The following CCDC60 variants were observed in gnomAD, a reference collection of about 807,000 sequenced individuals.
The protein encoded by CCDC60 is coiled-coil domain containing 60, also known as coiled-coil domain-containing protein 60.
CCDC60 carries 54 observed loss-of-function variants against 63.5 expected under a neutral mutation model. The ratio of observed to expected loss-of-function variants is 0.85; its 90% CI spans 0.68 to 1.07. The LOEUF (loss-of-function observed/expected upper bound fraction) is 1.07. Among genes scored for constraint, CCDC60 ranks in the 50% least tolerant of loss-of-function variants. CCDC60 has a pLI of 0.00. For synonymous variants in CCDC60, 206 were observed against 238.8 expected (o/e 0.86, Z 1.27); for missense variants, 651 against 684.3 (o/e 0.95, Z 0.54).
intron 2 of CCDC60, among the ~76,000 whole-genome samples, chr12:119,469,628 G>A (rs563564913): frequency 5.6e-4 from 85 of 152,312 alleles, no homozygotes; most frequent in Non-Finnish European, 1.2e-3. Context: ...CTGGTCCAGT[G>A]ATTTATTGCC....
intron 1 of CCDC60, among the ~76,000 whole-genome samples, chr12:119,395,930 A>G (rs952558704): frequency 6.7e-6 from 1 of 149,188 alleles, no homozygotes; most frequent in Non-Finnish European, 1.5e-5. Flanking sequence ...CTCCTCCATC[A>G]TGCATCCTTT....
intron 1 of CCDC60, among the ~76,000 whole-genome samples, chr12:119,395,946 C>CT (rs71072516): frequency 0.14 from 20,991 of 149,204 alleles, 2,095 homozygotes; most frequent in East Asian, 0.56. Flanking sequence ...CCTTTTCTTT[C>CT]TTTTTTTTTT....
chr12:119,336,927 C>T (rs1446247653), intron 1 of CCDC60, among the ~76,000 whole-genome samples: 1 of 152,160 alleles, frequency 6.6e-6, no homozygotes, highest in Non-Finnish European at 1.5e-5. Flanking sequence ...ATCCTCAAAC[C>T]CCACTTTGCA....
At chr12:119,399,182 G>A (rs1156841114) in intron 1 of CCDC60, among the ~76,000 whole-genome samples, 3 of 152,194 alleles carry the variant, frequency 2.0e-5, no homozygotes, top group Admixed American at 6.5e-5. Flanking sequence ...TAAGGAAGAA[G>A]TCTTTGTGTC....
chr12:119,483,738 C>G (rs1261694718), intron 4 of CCDC60, among the ~76,000 whole-genome samples: 1 of 152,222 alleles, frequency 6.6e-6, no homozygotes, highest in Non-Finnish European at 1.5e-5. Flanking sequence ...ACTGCTGGCA[C>G]TCGCCCGGAG....
chr12:119,374,680 G>C (rs1213392441), intron 1 of CCDC60, among the ~76,000 whole-genome samples: 1 of 142,960 alleles, frequency 7.0e-6, no homozygotes, highest in Admixed American at 6.9e-5. Context: ...TCCATAGGCA[G>C]AGCAGTGGCA....
chr12:119,406,204 T>TAG (rs34447665), intron 1 of CCDC60, among the ~76,000 whole-genome samples: 382 of 145,192 alleles, frequency 2.6e-3, no homozygotes, highest in African/African-American at 8.8e-3. Flanking sequence ...TATATATATA[T>TAG]AGAGAGAGAG....
At position 119,540,655 on chromosome 12, in the gene CCDC60, C is replaced by T; in HGVS notation, c.1593C>T (p.Tyr531=). The change falls in exon 14 of 14, where the codon TAC becomes TAT. Residue 531 remains tyrosine (Y), a synonymous_variant. Transcript: ENST00000327554. ...TCATCCATATGCCTCAAGAGGATTA[C>T]ATCAGCTGGCTGCAGAGCCGGATCA... The part of the protein sequence containing the change: ...EHIIHMPQED[Y]ISWLQSRINI... The T allele has an allele frequency of 1.2e-6, 2 of 1,614,066 alleles. No homozygotes were observed. Among genetic ancestry groups the T allele is most frequent in the Non-Finnish European group, 1.7e-6 (2 of 1,180,002 alleles).
At chr12:119,342,845 T>C (rs1955546180) in intron 1 of CCDC60, among the ~76,000 whole-genome samples, 1 of 152,212 alleles carries the variant, frequency 6.6e-6, no homozygotes, top group Non-Finnish European at 1.5e-5. Context: ...CCATCTTTAT[T>C]CCTGTGACCC....
At chr12:119,428,834 C>A (rs750354464) in intron 2 of CCDC60, 72 bp downstream of exon 2, 3 of 970,594 alleles carry the variant, frequency 3.1e-6, no homozygotes, top group African/African-American at 3.2e-5. Context: ...GTGTTGCCTA[C>A]AAGTCCTTGC....
intron 1 of CCDC60, among the ~76,000 whole-genome samples, chr12:119,373,786 C>T (rs1464007584): frequency 6.6e-6 from 1 of 152,180 alleles, no homozygotes; most frequent in Middle Eastern, 3.4e-3. Flanking sequence ...CCAGATGTTT[C>T]TAAAATACAC....
chr12:119,421,558 C>A (rs2136219977), intron 1 of CCDC60, among the ~76,000 whole-genome samples: 1 of 152,306 alleles, frequency 6.6e-6, no homozygotes, highest in East Asian at 1.9e-4. Context: ...AATAATATGG[C>A]AAGGACTCAA....
At chr12:119,463,680 T>C (rs1358496840) in intron 2 of CCDC60, among the ~76,000 whole-genome samples, 1 of 152,256 alleles carries the variant, frequency 6.6e-6, no homozygotes, top group Non-Finnish European at 1.5e-5. Context: ...AAAGGGCTCT[T>C]ATGTGAATGC....
chr12:119,471,126 A>C (rs562943517), intron 2 of CCDC60, among the ~76,000 whole-genome samples: 1 of 152,358 alleles, frequency 6.6e-6, no homozygotes, highest in Admixed American at 6.5e-5. Flanking sequence ...CCCAAGGTGA[A>C]GACTGGCAAA....
At chr12:119,377,769 C>T (rs535683267) in intron 1 of CCDC60, among the ~76,000 whole-genome samples, 5 of 152,006 alleles carry the variant, frequency 3.3e-5, no homozygotes, top group African/African-American at 4.8e-5. Context: ...CAAATTTAAC[C>T]GCTGTGTGAA....
chr12:119,340,332 C>T (rs1955519146), intron 1 of CCDC60, among the ~76,000 whole-genome samples: 1 of 152,144 alleles, frequency 6.6e-6, no homozygotes, highest in Non-Finnish European at 1.5e-5. Flanking sequence ...ACCATTACGG[C>T]GTTGTTTAAT....
intron 1 of CCDC60, among the ~76,000 whole-genome samples, chr12:119,390,895 A>C (rs994959804): frequency 6.6e-6 from 1 of 152,180 alleles, no homozygotes. Flanking sequence ...AAGTTCTAAA[A>C]AGCAGCAGTG....
intron 8 of CCDC60, among the ~76,000 whole-genome samples, chr12:119,517,892 A>T (rs766696558): frequency 3.3e-5 from 5 of 152,246 alleles, no homozygotes; most frequent in Non-Finnish European, 5.9e-5. Flanking sequence ...CACACAGCCT[A>T]GAGCCAGAGC....
chr12:119,432,438 A>T (rs1386868289), intron 2 of CCDC60, among the ~76,000 whole-genome samples: 6 of 152,234 alleles, frequency 3.9e-5, no homozygotes, highest in Non-Finnish European at 7.3e-5. Flanking sequence ...ATCAGTCATA[A>T]CAGACACTGG....
Sources: allele counts gnomAD v4.1 joint callset (sites outside exome capture counted in the v4.1 genomes callset), GRCh38; gene constraint gnomAD v4.1.1; transcripts MANE v1.5; gene names NCBI Gene and HGNC (gene_info 2026-07-23, HGNC 2026-07-21).